The following USP53 variants were observed in gnomAD, a reference collection of about 807,000 sequenced individuals.
USP53 encodes the protein ubiquitin specific peptidase 53.
In USP53, 71 loss-of-function variants were observed where a neutral mutation model predicts 94.9. The ratio of observed to expected loss-of-function variants is 0.75; its 90% CI spans 0.62 to 0.91. USP53 has a LOEUF of 0.91. USP53 is among the 40% of genes least tolerant of loss of function. The probability of loss-of-function intolerance (pLI) is 0.00; values close to 1 mark genes in which losing one functional copy is unlikely to be tolerated. For synonymous variants in USP53, 375 were observed against 422.7 expected (o/e 0.89, Z 1.39); for missense variants, 1,173 against 1,281.0 (o/e 0.92, Z 1.29).
At chr4:119,281,406 G>A (rs1753499091) in intron 17 of USP53, among the ~76,000 whole-genome samples, 2 of 152,102 alleles carry the variant, frequency 1.3e-5, no homozygotes, top group Non-Finnish European at 2.9e-5. Context: ...AGGCTTTTGT[G>A]GGGATTATTT....
At chr4:119,245,615 G>T (rs1416228099) in intron 6 of USP53, among the ~76,000 whole-genome samples, 186 bp downstream of exon 6, 1 of 152,140 alleles carries the variant, frequency 6.6e-6, no homozygotes, top group Non-Finnish European at 1.5e-5. Flanking sequence ...TATAAGGACA[G>T]TTAAAAATTA....
rs369965385 is a variant in USP53, at chr4:119,292,500, G to C, written c.2511G>C (p.Glu837Asp). 1.2e-6 allele frequency: 2 copies of C among 1,613,950 alleles called. No homozygotes were observed. The highest frequency in any genetic ancestry group is 2.2e-5 in the South Asian group (2 of 91,070). ...AGTGGCTTAATATAGAAAATTCTGA[G>C]AGAACAGGTTTGCCTTTTCACGTTG... is the stretch of plus-strand genomic sequence containing the variant. ...FSEWLNIENS[E>D]RTGLPFHVDN... Residue 837 changes from glutamate (E) to aspartate (D), a missense_variant, in exon 19 of 19, where the codon GAG becomes GAC. Glu to Asp is a conservative substitution (Grantham distance 45). Transcript: ENST00000692078.
Position 119,268,424 on chromosome 4 carries a change from TGTG to T in USP53, c.1288+5_1288+7del. ...ACAGGTGTAGGGAAAGGACCAGGTA[TGTG>T]TTTAAATTGTCATTTTTACATAGTT... is the stretch of plus-strand genomic sequence containing the variant. On this transcript the variant is annotated splice_donor_5th_base_variant and intron_variant, in intron 14 of 18. Coordinates refer to ENST00000692078, the MANE Select transcript of USP53 (RefSeq NM_001371395.1). 6.3e-7 allele frequency: 1 copy of T among 1,599,804 alleles called. No homozygotes were observed.
Position 119,294,724 on chromosome 4 carries a change from A to G in USP53, c.*1513A>G, listed in dbSNP as rs1010079051. ...TGTTAAACAGAAAATAATTGCTTAT[A>G]AAAGTCTAACTTCACCCAGTTACCA... On this transcript the variant is annotated 3_prime_UTR_variant, in exon 19 of 19. Transcript: ENST00000692078. 6 of 152,136 alleles carry G rather than the reference A, an allele frequency of 3.9e-5. No individual in the cohort carries two copies. Among genetic ancestry groups the G allele is most frequent in the Admixed American group, 2.6e-4 (4 of 15,268 alleles). 9.4% of individuals were successfully genotyped at this position (152,136 alleles called of 1,614,324 possible). A position where few individuals can be genotyped will look rare whatever the true frequency, so the allele number is the denominator to read the frequency against.
At chr4:119,266,129 A>G (rs1274062909) in intron 12 of USP53, among the ~76,000 whole-genome samples, 1 of 152,214 alleles carries the variant, frequency 6.6e-6, no homozygotes, top group Non-Finnish European at 1.5e-5. Context: ...TACAGTATGT[A>G]CTACTGTGTA....
chr4:119,292,216 G>A (rs1188502522), intron 18 of USP53, 122 bp from the exon 19 acceptor site: 19 of 1,115,578 alleles, frequency 1.7e-5, no homozygotes, highest in Non-Finnish European at 2.2e-5. Flanking sequence ...TTGTGGTTTT[G>A]TTGTAAAAAT....
At chr4:119,220,775 G>C (rs939061713) in intron 3 of USP53, 12 of 152,316 alleles carry the variant, frequency 7.9e-5, no homozygotes, top group Middle Eastern at 3.4e-3. Context: ...GATAGGTACA[G>C]GGAGCACTGC....
chr4:119,227,639 A>G (rs1005708841), intron 3 of USP53, among the ~76,000 whole-genome samples: 2 of 152,238 alleles, frequency 1.3e-5, no homozygotes, highest in Admixed American at 1.3e-4. Context: ...TCAAAAAAGA[A>G]AGAAAAAAAA....
At chr4:119,244,533 G>A (rs1747966395) in intron 5 of USP53, among the ~76,000 whole-genome samples, 1 of 152,116 alleles carries the variant, frequency 6.6e-6, no homozygotes, top group Admixed American at 6.5e-5. Flanking sequence ...CTCATTGCAT[G>A]CCAGTTGAGT....
intron 17 of USP53, among the ~76,000 whole-genome samples, chr4:119,287,794 A>C (rs1388677301): frequency 6.6e-6 from 1 of 152,188 alleles, no homozygotes; most frequent in East Asian, 1.9e-4. Context: ...TTTCATCAGA[A>C]GGAGATTTAG....
intron 7 of USP53, among the ~76,000 whole-genome samples, chr4:119,252,685 C>T (rs886911223): frequency 6.6e-5 from 10 of 152,126 alleles, no homozygotes; most frequent in Admixed American, 5.2e-4. Context: ...AAAACCAGCT[C>T]CTGGAACCAG....
chr4:119,270,449 A>G (rs1751709577), intron 15 of USP53, among the ~76,000 whole-genome samples: 1 of 152,166 alleles, frequency 6.6e-6, no homozygotes, highest in Admixed American at 6.5e-5. Flanking sequence ...AAATCTAAAT[A>G]TGCAAAATAT....
In USP53 at chr4:119,256,339, G is replaced by C. The variant is rs1749758303; in HGVS notation, c.466G>C (p.Ala156Pro). 1 of 1,613,826 alleles carries C rather than the reference G, an allele frequency of 6.2e-7. No homozygotes were observed. Among genetic ancestry groups the C allele is most frequent in the Admixed American group, 1.7e-5 (1 of 59,992 alleles). ...ATCTTGTATCACTCACCAGAAGTTT[G>C]CTATGACTCTGTATGAACAGGTGAG... ...SKSCITHQKF[A>P]MTLYEQCVCR... Residue 156 changes from alanine to proline, a missense_variant, in exon 8 of 19, where the codon GCT (alanine) becomes CCT (proline). Ala to Pro is a conservative substitution (Grantham distance 27, BLOSUM62 -1). Coordinates refer to ENST00000692078, the MANE Select transcript of USP53 (RefSeq NM_001371395.1).
At chr4:119,235,244 T>A (rs545857760) in intron 3 of USP53, 46 bp from the exon 4 acceptor site, 1 of 152,254 alleles carries the variant, frequency 6.6e-6, no homozygotes, top group Non-Finnish European at 1.5e-5. Flanking sequence ...ACTGTGGAAC[T>A]CAGTGACTGT....
intron 3 of USP53, chr4:119,220,024 C>G (rs1744289508): frequency 6.6e-6 from 1 of 152,002 alleles, no homozygotes; most frequent in Admixed American, 6.6e-5. Flanking sequence ...TGATATTAAG[C>G]ACTTAATAAA....
At chr4:119,250,450 G>C (rs1043711424) in intron 7 of USP53, among the ~76,000 whole-genome samples, 2 of 152,174 alleles carry the variant, frequency 1.3e-5, no homozygotes, top group African/African-American at 4.8e-5. Flanking sequence ...ATCTTGCCTA[G>C]CACACTTGCA....
chr4:119,242,525 T>A (rs1239219977), intron 5 of USP53, among the ~76,000 whole-genome samples: 1 of 152,126 alleles, frequency 6.6e-6, no homozygotes, highest in East Asian at 1.9e-4. Context: ...GGTGTTTCTT[T>A]CCCAGGCCTC....
chr4:119,235,848 T>C (rs549716952), intron 4 of USP53, among the ~76,000 whole-genome samples: 1 of 152,290 alleles, frequency 6.6e-6, no homozygotes, highest in South Asian at 2.1e-4. Flanking sequence ...TCGTTCATTA[T>C]CCTATCTAAA....
At chr4:119,264,249 C>T (rs1239331021) in intron 12 of USP53, among the ~76,000 whole-genome samples, 2 of 152,002 alleles carry the variant, frequency 1.3e-5, no homozygotes, top group Non-Finnish European at 2.9e-5. Context: ...TTAATAAAAA[C>T]AGACCAGAAA....
Sources: allele counts gnomAD v4.1 joint callset (sites outside exome capture counted in the v4.1 genomes callset), GRCh38; gene constraint gnomAD v4.1.1; transcripts MANE v1.5; gene names NCBI Gene and HGNC (gene_info 2026-07-23, HGNC 2026-07-21).